Variants in IMMP2L observed in about 807,000 individuals in gnomAD.
The protein encoded by IMMP2L is inner mitochondrial membrane peptidase subunit 2, also known as mitochondrial inner membrane protease subunit 2.
Under a neutral mutation model 19.3 loss-of-function variants are expected in IMMP2L, and 18 were observed. That is an observed-to-expected ratio of 0.93 (90% CI 0.64 to 1.38). IMMP2L has a LOEUF of 1.38. Ranked by LOEUF, IMMP2L falls within the 40% of genes most tolerant of loss-of-function variation. The pLI, the probability that IMMP2L is intolerant of heterozygous loss-of-function variation, is 0.00. For missense variants in IMMP2L, 233 were observed against 218.2 expected (o/e 1.07, Z -0.43); for synonymous variants, 76 against 73.0 (o/e 1.04, Z -0.21).
chr7:110,817,352 C>A (rs935659890), intron 5 of IMMP2L, among the ~76,000 whole-genome samples: 6 of 152,188 alleles, frequency 3.9e-5, no homozygotes, highest in African/African-American at 1.4e-4. Context: ...TGAGTGAACT[C>A]CCATTCACAA....
At chr7:111,021,679 T>A (rs1221732024) in intron 3 of IMMP2L, among the ~76,000 whole-genome samples, 1 of 152,186 alleles carries the variant, frequency 6.6e-6, no homozygotes, top group Admixed American at 6.5e-5. Context: ...GGTCAGGAGT[T>A]CGAGGCCAGC....
At chr7:111,365,989 A>G (rs1028119790) in intron 3 of IMMP2L, among the ~76,000 whole-genome samples, 3 of 152,250 alleles carry the variant, frequency 2.0e-5, no homozygotes, top group African/African-American at 7.2e-5. Flanking sequence ...ACTGACTAGT[A>G]AATGAAGAGG....
At chr7:111,387,845 G>A (rs186712903) in intron 3 of IMMP2L, among the ~76,000 whole-genome samples, 16 of 151,416 alleles carry the variant, frequency 1.1e-4, no homozygotes, top group East Asian at 7.8e-4. Context: ...GCATGGTGGC[G>A]CGTGCCTGCA....
At chr7:111,120,570 A>C (rs549142104) in intron 3 of IMMP2L, among the ~76,000 whole-genome samples, 85 of 152,280 alleles carry the variant, frequency 5.6e-4, no homozygotes, top group Non-Finnish European at 1.1e-3. Context: ...GTGATGTAAT[A>C]AAATTGTTTT....
intron 2 of IMMP2L, among the ~76,000 whole-genome samples, chr7:111,513,575 C>G (rs1366866000): frequency 2.0e-5 from 3 of 152,054 alleles, no homozygotes; most frequent in Non-Finnish European, 1.5e-5. Context: ...AACAGAACTA[C>G]CAGATGATCT....
chr7:110,703,464 T>G (rs1473913399), intron 5 of IMMP2L, among the ~76,000 whole-genome samples: 1 of 152,126 alleles, frequency 6.6e-6, no homozygotes, highest in Non-Finnish European at 1.5e-5. Context: ...AGTTAGGGAG[T>G]TCTCCACAAT....
intron 3 of IMMP2L, among the ~76,000 whole-genome samples, chr7:110,987,465 CAA>C (rs1235067010): frequency 6.6e-6 from 1 of 152,126 alleles, no homozygotes; most frequent in Non-Finnish European, 1.5e-5. Flanking sequence ...TCAAGTATGT[CAA>C]AGTTTCCTTG....
At chr7:111,223,875 C>CA (rs1174286089) in intron 3 of IMMP2L, among the ~76,000 whole-genome samples, 1 of 152,040 alleles carries the variant, frequency 6.6e-6, no homozygotes, top group Non-Finnish European at 1.5e-5. Flanking sequence ...TCTTCAGTTA[C>CA]ACAATATTTT....
chr7:111,041,019 T>A (rs2129570884), intron 3 of IMMP2L, among the ~76,000 whole-genome samples: 1 of 152,186 alleles, frequency 6.6e-6, no homozygotes, highest in Middle Eastern at 3.4e-3. Flanking sequence ...AAACATACAA[T>A]ATCAACATAC....
chr7:110,938,115 C>T (rs193258054), intron 4 of IMMP2L, among the ~76,000 whole-genome samples: 1 of 152,234 alleles, frequency 6.6e-6, no homozygotes, highest in African/African-American at 2.4e-5. Context: ...CTTCCAAACT[C>T]CCAATTTTCG....
chr7:110,780,515 G>GT (rs905617716), intron 5 of IMMP2L, among the ~76,000 whole-genome samples: 12 of 151,498 alleles, frequency 7.9e-5, no homozygotes, highest in African/African-American at 2.9e-4. Context: ...TGATTCTATT[G>GT]TTTCAGGCTC....
intron 3 of IMMP2L, among the ~76,000 whole-genome samples, chr7:111,380,537 T>C (rs758241090): frequency 1.2e-4 from 18 of 152,028 alleles, no homozygotes; most frequent in Non-Finnish European, 2.2e-4. Context: ...CATGCAGCTA[T>C]TGAAAAAGCA....
chr7:111,187,629 T>C (rs1808414841), intron 3 of IMMP2L, among the ~76,000 whole-genome samples: 2 of 152,118 alleles, frequency 1.3e-5, no homozygotes, highest in South Asian at 4.1e-4. Flanking sequence ...ACGTTGTCAT[T>C]AGAATTACAT....
chr7:110,882,084 T>G (rs1252805517), intron 5 of IMMP2L, among the ~76,000 whole-genome samples: 1 of 152,108 alleles, frequency 6.6e-6, no homozygotes, highest in Admixed American at 6.6e-5. Context: ...ACCCTAGTAC[T>G]GGTAGCATCT....
chr7:110,776,187 G>C (rs531194226), intron 5 of IMMP2L, among the ~76,000 whole-genome samples: 1,711 of 152,070 alleles, frequency 0.011, 37 homozygotes, highest in African/African-American at 0.04. Flanking sequence ...AGGGCAGTTA[G>C]CATCAGAAGA....
At chr7:111,375,151 C>T (rs1353170013) in intron 3 of IMMP2L, among the ~76,000 whole-genome samples, 1 of 152,020 alleles carries the variant, frequency 6.6e-6, no homozygotes, top group Non-Finnish European at 1.5e-5. Flanking sequence ...AAAGTACTCA[C>T]ACACTGATGC....
intron 3 of IMMP2L, among the ~76,000 whole-genome samples, chr7:111,008,128 C>A (rs1824510739): frequency 6.6e-6 from 1 of 151,968 alleles, no homozygotes; most frequent in African/African-American, 2.4e-5. Context: ...CCTATTTTAT[C>A]TCTTGCCCCT....
intron 3 of IMMP2L, among the ~76,000 whole-genome samples, chr7:110,986,439 A>G (rs1821866213): frequency 6.6e-6 from 1 of 152,158 alleles, no homozygotes; most frequent in South Asian, 2.1e-4. Flanking sequence ...CCTTTTTTAA[A>G]GAGGCCATTA....
At chr7:111,180,633 C>A (rs1262847659) in intron 3 of IMMP2L, among the ~76,000 whole-genome samples, 1 of 152,052 alleles carries the variant, frequency 6.6e-6, no homozygotes, top group Non-Finnish European at 1.5e-5. Context: ...GACAGACTTA[C>A]TCAATGCAGG....
Sources: allele counts gnomAD v4.1 joint callset (sites outside exome capture counted in the v4.1 genomes callset), GRCh38; gene constraint gnomAD v4.1.1; transcripts MANE v1.5; gene names NCBI Gene and HGNC (gene_info 2026-07-23, HGNC 2026-07-21).